The following CTSB variants were observed in gnomAD, a reference collection of about 807,000 sequenced individuals.
CTSB encodes APP secretase.
A neutral mutation model predicts 44.3 loss-of-function variants in CTSB; 57 were observed. The ratio of observed to expected loss-of-function variants is 1.29; its 90% CI spans 1.04 to 1.60. The LOEUF (loss-of-function observed/expected upper bound fraction) is 1.60. Ranked by LOEUF, CTSB falls within the 40% of genes most tolerant of loss-of-function variation. CTSB has a pLI of 0.00. For missense variants in CTSB, 768 were observed against 443.0 expected (o/e 1.73, Z -6.59); for synonymous variants, 320 against 168.0 (o/e 1.91, Z -7.00).
intron 1 of CTSB, among the ~76,000 whole-genome samples, chr8:11,858,167 G>A (rs2150431122): frequency 6.6e-6 from 1 of 152,354 alleles, no homozygotes; most frequent in East Asian, 1.9e-4. Flanking sequence ...TGATAAGGTA[G>A]GAAGGGCACT....
At chr8:11,848,547 A>AG (rs1813899326) in intron 5 of CTSB, 1 of 357,868 alleles carries the variant, frequency 2.8e-6, no homozygotes, top group African/African-American at 2.1e-5. Context: ...TTAACTAGTT[A>AG]GGGGAGAAGC....
In CTSB at chr8:11,849,072, T is replaced by C. The variant is rs13332; in HGVS notation, c.420A>G (p.Thr140=). ...CGTCCCCACACATGCTGCCACAGCA[T>C]GTGAGCAGGTCCTCCGCCGACACCT... The part of the protein sequence containing the change: ...SVEVSAEDLL[T]CCGSMCGDGC... Residue 140 remains threonine (T), a synonymous_variant, in exon 5 of 10, where the codon ACA becomes ACG. Coordinates refer to ENST00000353047, the MANE Select transcript of CTSB (RefSeq NM_001908.5). The C allele has an allele frequency of 0.032, 52,281 of 1,612,684 alleles. 2,014 individuals are homozygous for C. Among genetic ancestry groups the C allele is most frequent in the African/African-American group, 0.19 (14,411 of 75,004 alleles).
chr8:11,845,208 G>T lies in CTSB; in HGVS notation c.937C>A (p.Leu313Ile). The T allele has an allele frequency of 1.2e-6, 2 of 1,613,056 alleles. No homozygotes were observed. The highest frequency in any genetic ancestry group is 8.5e-7 in the Non-Finnish European group (1 of 1,179,052). Residue 313 changes from leucine (L) to isoleucine (I), a missense_variant, in exon 10 of 10, where the codon CTC (leucine) becomes ATC (isoleucine). Leu to Ile is a conservative substitution (Grantham distance 5). Transcript: ENST00000353047. ...ATTCCACAGTGATCCTGTCCTCTGA[G>T]TATTTTAAAGAAGCCTGGGAATAAA... is the stretch of plus-strand genomic sequence containing the variant. ...DWGDNGFFKI[L>I]RGQDHCGIES...
chr8:11,864,330 A>G (rs1438896299), intron 1 of CTSB: 1 of 150,132 alleles, frequency 6.7e-6, no homozygotes, highest in Non-Finnish European at 1.5e-5. Flanking sequence ...AAAAAAAAAA[A>G]AAAAAAAAAA....
chr8:11,866,518 G>A (rs996842760), intron 1 of CTSB, among the ~76,000 whole-genome samples: 2 of 152,226 alleles, frequency 1.3e-5, no homozygotes, highest in African/African-American at 4.8e-5. Context: ...AGCTACACAG[G>A]GTGGGCGGCC....
At chr8:11,848,380 A>G (rs1302739724) in intron 5 of CTSB, 1 of 658,620 alleles carries the variant, frequency 1.5e-6, no homozygotes, top group Non-Finnish European at 2.8e-6. Flanking sequence ...GATCCGGGAG[A>G]AGACAGGAGG....
chr8:11,861,438 G>A (rs1230232158), intron 1 of CTSB: 1 of 152,336 alleles, frequency 6.6e-6, no homozygotes, highest in Non-Finnish European at 1.5e-5. Context: ...AGGTACTGCA[G>A]GCCCAGCCCA....
chr8:11,850,703 C>G (rs1814427953), intron 4 of CTSB, 163 bp downstream of exon 4: 1 of 532,732 alleles, frequency 1.9e-6, no homozygotes, highest in African/African-American at 1.9e-5. Flanking sequence ...CGCCATCATT[C>G]ATGGCCAGAG....
intron 1 of CTSB, chr8:11,867,128 C>A (rs1054244198): frequency 2.6e-5 from 4 of 152,268 alleles, no homozygotes; most frequent in Non-Finnish European, 4.4e-5. Context: ...TGACAGAGGC[C>A]CACCAGGAAG....
chr8:11,863,161 A>G (rs564202001), intron 1 of CTSB, among the ~76,000 whole-genome samples: 34 of 152,332 alleles, frequency 2.2e-4, no homozygotes, highest in Admixed American at 4.6e-4. Flanking sequence ...GAAAATTAAA[A>G]TTTAAAATAA....
intron 3 of CTSB, among the ~76,000 whole-genome samples, chr8:11,851,265 C>G (rs1340743838): frequency 6.6e-6 from 1 of 152,188 alleles, no homozygotes; most frequent in African/African-American, 2.4e-5. Flanking sequence ...TCTCTGCCCA[C>G]TGCAACCTCT....
In CTSB at chr8:11,847,670, G is replaced by A. The variant is rs778522074; in HGVS notation, c.676+9C>T. The A allele has an allele frequency of 4.1e-5, 63 of 1,527,766 alleles. No individual in the cohort carries two copies. The East Asian group carries it at 1.4e-3, about 33-fold the overall frequency. 94.6% of individuals were successfully genotyped at this position (1,527,766 alleles called of 1,614,324 possible). A position where few individuals can be genotyped will look rare whatever the true frequency, so the allele number is the denominator to read the frequency against. ...CACGTGCGCCGTGGCCAGGCCCCAG[G>A]CCCCTTACCGTAGTGCTTGTCCTGT... is the stretch of plus-strand genomic sequence containing the variant. On this transcript the variant is annotated intron_variant, in intron 7 of 9. Coordinates refer to ENST00000353047, the MANE Select transcript of CTSB (RefSeq NM_001908.5).
chr8:11,852,243 A>G (rs930849681), intron 3 of CTSB, among the ~76,000 whole-genome samples: 3 of 151,990 alleles, frequency 2.0e-5, no homozygotes, highest in Non-Finnish European at 4.4e-5. Flanking sequence ...CGGTGGTGCA[A>G]GCCTGTGGCC....
intron 1 of CTSB, among the ~76,000 whole-genome samples, chr8:11,866,292 G>T (rs1817139285): frequency 1.3e-5 from 2 of 152,160 alleles, no homozygotes; most frequent in African/African-American, 4.8e-5. Flanking sequence ...GAACCAAAGG[G>T]CCACCACCCC....
intron 1 of CTSB, among the ~76,000 whole-genome samples, chr8:11,862,769 C>T (rs559343019): frequency 3.9e-5 from 6 of 152,358 alleles, no homozygotes; most frequent in South Asian, 2.1e-4. Context: ...CAGGTCAGCA[C>T]GTCAGAGGGT....
Position 11,844,055 on chromosome 8 carries a change from G to T in CTSB, c.*1070C>A, listed in dbSNP as rs149405475. 8.5e-5 allele frequency: 13 copies of T among 152,240 alleles called. No individual in the cohort carries two copies. The East Asian group carries it at 2.5e-3, about 29-fold the overall frequency. The allele number at this position is 152,240 out of a possible 1,614,324, so 9.4% of individuals were successfully genotyped here. A position where few individuals can be genotyped will look rare whatever the true frequency, so the allele number is the denominator to read the frequency against. ...CAGTCACAACAACAACAAAAAAATA[G>T]AGCACAGCTATGTTTTGAGTTCTTA... On this transcript the variant is annotated 3_prime_UTR_variant, in exon 10 of 10. Transcript: ENST00000353047.
At chr8:11,861,745 G>C (rs1816448663) in intron 1 of CTSB, among the ~76,000 whole-genome samples, 1 of 152,220 alleles carries the variant, frequency 6.6e-6, no homozygotes, top group Non-Finnish European at 1.5e-5. Flanking sequence ...AGGACCTTGG[G>C]CCTGCTTTAT....
In CTSB at chr8:11,853,498, A is replaced by C; in HGVS notation, c.-25-19T>G. The C allele has an allele frequency of 6.3e-7, 1 of 1,599,630 alleles. No individual in the cohort carries two copies. Among genetic ancestry groups the C allele is most frequent in the Non-Finnish European group, 8.5e-7 (1 of 1,173,680 alleles). On this transcript the variant is annotated intron_variant, in intron 1 of 9. Transcript: ENST00000353047. ...GATCCACCTGGAGAGGACAGAGGGC[A>C]TCAGGACACCTCTCTGTTATGTGGG...
At chr8:11,862,584 C>T (rs1816592100) in intron 1 of CTSB, 1 of 152,232 alleles carries the variant, frequency 6.6e-6, no homozygotes, top group South Asian at 2.1e-4. Context: ...TCCCAAACAC[C>T]AGGAAGGCTG....
Sources: allele counts gnomAD v4.1 joint callset (sites outside exome capture counted in the v4.1 genomes callset), GRCh38; gene constraint gnomAD v4.1.1; transcripts MANE v1.5; gene names NCBI Gene and HGNC (gene_info 2026-07-23, HGNC 2026-07-21).